Variants in CMIP observed in about 807,000 individuals in gnomAD.
CMIP encodes the protein C-Maf-inducing protein.
Under a neutral mutation model 97.3 loss-of-function variants are expected in CMIP, and 13 were observed. The observed-to-expected ratio is 0.13, with a 90% CI of 0.09 to 0.21. The LOEUF is 0.21. CMIP is among the 10% of genes least tolerant of loss of function. CMIP has a pLI of 1.00. For missense variants in CMIP, 847 were observed against 1,024.9 expected (o/e 0.83, Z 2.37); for synonymous variants, 538 against 436.3 (o/e 1.23, Z -2.91).
At chr16:81,492,014 G>A (rs1247957542) in intron 1 of CMIP, among the ~76,000 whole-genome samples, 3 of 152,170 alleles carry the variant, frequency 2.0e-5, no homozygotes, top group Non-Finnish European at 2.9e-5. Flanking sequence ...TACTAAGGCC[G>A]TTTCCTGCTT....
intron 1 of CMIP, among the ~76,000 whole-genome samples, chr16:81,471,311 C>G (rs1035705812): frequency 2.0e-5 from 3 of 152,186 alleles, no homozygotes; most frequent in African/African-American, 4.8e-5. Flanking sequence ...TAAATGTACC[C>G]ACACGCACAC....
At chr16:81,491,501 T>G (rs746493968) in intron 1 of CMIP, among the ~76,000 whole-genome samples, 2 of 152,206 alleles carry the variant, frequency 1.3e-5, no homozygotes, top group South Asian at 2.1e-4. Context: ...GATTTTCCTT[T>G]ATTTAATTGC....
intron 1 of CMIP, chr16:81,603,326 C>T: frequency 2.2e-6 from 1 of 451,186 alleles, no homozygotes; most frequent in Non-Finnish European, 4.4e-6. Flanking sequence ...TCATGATCCG[C>T]CCACCTTGGC....
intron 2 of CMIP, among the ~76,000 whole-genome samples, chr16:81,612,354 C>G (rs1482518138): frequency 1.3e-5 from 2 of 152,178 alleles, no homozygotes; most frequent in Non-Finnish European, 2.9e-5. Context: ...CGGGACTCGG[C>G]TCTTCTCACC....
At chr16:81,568,850 G>T (rs927122866) in intron 1 of CMIP, among the ~76,000 whole-genome samples, 4 of 152,200 alleles carry the variant, frequency 2.6e-5, no homozygotes, top group Admixed American at 1.3e-4. Flanking sequence ...CGCACTTGTG[G>T]CCCAGTTGAC....
chr16:81,530,048 A>T (rs2150820915), intron 1 of CMIP, among the ~76,000 whole-genome samples: 1 of 152,298 alleles, frequency 6.6e-6, no homozygotes, highest in Middle Eastern at 3.4e-3. Context: ...GGACAGTAAG[A>T]CCATCATCAC....
chr16:81,490,400 G>T (rs1317430858), intron 1 of CMIP, among the ~76,000 whole-genome samples: 1 of 152,136 alleles, frequency 6.6e-6, no homozygotes, highest in African/African-American at 2.4e-5. Flanking sequence ...TGGGCAAATT[G>T]CTTGAGCTCA....
intron 1 of CMIP, among the ~76,000 whole-genome samples, chr16:81,487,304 G>A (rs536282895): frequency 7.2e-5 from 11 of 152,172 alleles, no homozygotes; most frequent in African/African-American, 1.4e-4. Context: ...TGTCCCGGGC[G>A]GTCACGGCGA....
chr16:81,697,474 C>G (rs1157371472), intron 14 of CMIP: 1 of 152,278 alleles, frequency 6.6e-6, no homozygotes, highest in Non-Finnish European at 1.5e-5. Flanking sequence ...ATTTACTGGT[C>G]ACTGGTGCTC....
chr16:81,628,960 A>T (rs1286096275), intron 3 of CMIP, among the ~76,000 whole-genome samples: 1 of 151,362 alleles, frequency 6.6e-6, no homozygotes, highest in Non-Finnish European at 1.5e-5. Context: ...ACATGGGGAA[A>T]CCCTGTCTCT....
chr16:81,517,747 C>T (rs1007526944), intron 1 of CMIP: 1 of 155,334 alleles, frequency 6.4e-6, no homozygotes, highest in Non-Finnish European at 1.4e-5. Context: ...ACATTTTTTC[C>T]TGAAGAAATG....
chr16:81,670,620 T>TGGG (rs10542852), intron 8 of CMIP, among the ~76,000 whole-genome samples: 11 of 98,412 alleles, frequency 1.1e-4, no homozygotes, highest in Non-Finnish European at 1.6e-4. Flanking sequence ...GGGTTTTTTT[T>TGGG]GGGGGGGGGG....
intron 1 of CMIP, among the ~76,000 whole-genome samples, chr16:81,537,029 A>G (rs547863874): frequency 1.3e-5 from 2 of 152,246 alleles, no homozygotes; most frequent in Non-Finnish European, 2.9e-5. Flanking sequence ...GTTGTTTGGC[A>G]TGTATGATTT....
At chr16:81,487,146 G>A (rs2089327310) in intron 1 of CMIP, among the ~76,000 whole-genome samples, 3 of 151,876 alleles carry the variant, frequency 2.0e-5, no homozygotes, top group African/African-American at 7.2e-5. Flanking sequence ...AGGCCCTGCA[G>A]GGGTGAGGCT....
intron 1 of CMIP, among the ~76,000 whole-genome samples, chr16:81,554,584 A>G (rs2090724553): frequency 6.6e-6 from 1 of 152,136 alleles, no homozygotes; most frequent in Non-Finnish European, 1.5e-5. Context: ...GTATAATCGA[A>G]TTCATGTTTA....
At chr16:81,572,596 G>A (rs2091112505) in intron 1 of CMIP, among the ~76,000 whole-genome samples, 1 of 152,228 alleles carries the variant, frequency 6.6e-6, no homozygotes, top group South Asian at 2.1e-4. Context: ...CAGACGGGGA[G>A]ACTGGGGCTC....
chr16:81,634,335 G>C (rs1428963937), intron 3 of CMIP, among the ~76,000 whole-genome samples: 1 of 152,188 alleles, frequency 6.6e-6, no homozygotes, highest in South Asian at 2.1e-4. Flanking sequence ...ACACGAGTCT[G>C]ACTCTCAGAT....
chr16:81,452,004 G>C (rs1906246722), intron 1 of CMIP, among the ~76,000 whole-genome samples: 1 of 152,258 alleles, frequency 6.6e-6, no homozygotes, highest in Non-Finnish European at 1.5e-5. Flanking sequence ...AGGGTGATGA[G>C]ACGTGCGTGT....
chr16:81,557,904 C>CAA (rs2090797967), intron 1 of CMIP, among the ~76,000 whole-genome samples: 1 of 152,224 alleles, frequency 6.6e-6, no homozygotes, highest in Non-Finnish European at 1.5e-5. Context: ...GAACTCTTTT[C>CAA]ATCTTATCAG....
Sources: gnomAD v4.1 joint callset for allele counts (sites outside exome capture counted in the v4.1 genomes callset) on GRCh38, gnomAD v4.1.1 for gene constraint, MANE v1.5 for transcripts, NCBI Gene and HGNC (gene_info 2026-07-23, HGNC 2026-07-21) for gene names.